Variants in ZC3H7A observed in about 807,000 individuals in gnomAD.
ZC3H7A encodes the protein zinc finger CCCH-type containing 7A.
Under a neutral mutation model 125.5 loss-of-function variants are expected in ZC3H7A, and 44 were observed. The ratio of observed to expected loss-of-function variants is 0.35; its 90% confidence interval spans 0.28 to 0.45. The LOEUF (loss-of-function observed/expected upper bound fraction) is 0.45. ZC3H7A is among the 20% of genes least tolerant of loss of function. The probability of loss-of-function intolerance (pLI) is 1.00; values close to 1 mark genes in which losing one functional copy is unlikely to be tolerated. For missense variants in ZC3H7A, 977 were observed against 1,170.7 expected, an observed-to-expected ratio of 0.83 and a Z score of 2.41; for synonymous variants, 399 against 391.2, an observed-to-expected ratio of 1.02 and a Z score of -0.23.
chr16:11,761,680 C>T (rs2052755347), intron 18 of ZC3H7A, 169 bp from the exon 19 acceptor site: 2 of 829,418 alleles, frequency 2.4e-6, no homozygotes, highest in South Asian at 1.9e-5. Context: ...CATTTACAAA[C>T]ACTCCCTACA....
At position 11,779,341 on chromosome 16, in the gene ZC3H7A, C is replaced by A. The variant is rs2053135529; in HGVS notation, c.131G>T (p.Arg44Ile). 1 of 1,613,594 alleles carries A rather than the reference C, an allele frequency of 6.2e-7. No individual in the cohort carries two copies. Among genetic ancestry groups the A allele is most frequent in the South Asian group, 1.1e-5 (1 of 90,858 alleles). The change falls in exon 4 of 23, where the codon AGA (arginine) becomes ATA (isoleucine). Residue 44 changes from arginine to isoleucine, a missense_variant. Around this residue, in one of 3 missense-constraint regions of ZC3H7A, gnomAD observed 199 missense variants for 256.1 expected, o/e 0.78. Coordinates refer to ENST00000355758, the MANE Select transcript of ZC3H7A (RefSeq NM_014153.4). ...QYAVYLRALVRNLFNEGNDVY... is the reference protein window; with the variant it reads ...QYAVYLRALVINLFNEGNDVY... ...GTCATTTCCTTCATTAAAAAGATTT[C>A]TCACGAGAGCACGCAAATATACCTA...
chr16:11,768,723 A>G (rs369982461), intron 11 of ZC3H7A, among the ~76,000 whole-genome samples: 2 of 152,188 alleles, frequency 1.3e-5, no homozygotes, highest in Admixed American at 6.5e-5. Flanking sequence ...CCTCCATATT[A>G]TAAGTAATAA....
intron 1 of ZC3H7A, among the ~76,000 whole-genome samples, chr16:11,790,111 A>G (rs1311505920): frequency 6.6e-6 from 1 of 151,254 alleles, no homozygotes; most frequent in Non-Finnish European, 1.5e-5. Context: ...AAGAATTTCT[A>G]AAGGATAAAG....
chr16:11,776,649 C>G, intron 5 of ZC3H7A, 102 bp downstream of exon 5: 1 of 1,502,428 alleles, frequency 6.7e-7, no homozygotes, highest in Non-Finnish European at 8.9e-7. Context: ...TTATACCCAA[C>G]TGAAGCAGGT....
At chr16:11,779,998 T>G (rs934057204) in intron 3 of ZC3H7A, among the ~76,000 whole-genome samples, 1 of 152,190 alleles carries the variant, frequency 6.6e-6, no homozygotes, top group Non-Finnish European at 1.5e-5. Flanking sequence ...ATTTACTGAT[T>G]TGGGGGGAGG....
chr16:11,791,565 G>C lies in ZC3H7A; in HGVS notation c.-35+5559C>G, dbSNP rs1216201701. 2.6e-5 allele frequency among the ~76,000 whole-genome samples: 4 copies of C among 152,130 alleles called. No homozygotes were observed. In the East Asian group the frequency reaches 7.7e-4, roughly 29 times the overall value. ...TCTGGGTCCAGCTCAACAAATACTT[G>C]AACAAAGAATGAAGTAAGCAGCCCA... On this transcript the variant is annotated intron_variant, in intron 1 of 22. Coordinates refer to ENST00000355758, the MANE Select transcript of ZC3H7A (RefSeq NM_014153.4).
intron 16 of ZC3H7A, 135 bp from the exon 17 acceptor site, chr16:11,762,882 TACC>T: frequency 4.2e-6 from 3 of 719,982 alleles, no homozygotes; most frequent in South Asian, 3.6e-5. Flanking sequence ...CAAGGATGAA[TACC>T]ACGTTTCTCT....
In ZC3H7A at chr16:11,770,801, T is replaced by C. The variant is rs144891791; in HGVS notation, c.1090A>G (p.Met364Val). ...DFCSSLNSFS[M>V]SESKRDLSTS... Reference sequence around the variant, plus strand: ...TTCTTACCTCGTTTGGATTCACTCATTGAAAATGAATTTAAAGAAGAACAA... The same window carrying C: ...TTCTTACCTCGTTTGGATTCACTCACTGAAAATGAATTTAAAGAAGAACAA... Residue 364 changes from methionine (M) to valine (V), a missense_variant, in exon 10 of 23, where the codon ATG (methionine) becomes GTG (valine). By Grantham distance (21) the Met-to-Val change is conservative. Around this residue, in one of 3 missense-constraint regions of ZC3H7A, gnomAD observed 342 missense variants for 311.3 expected, o/e 1.10. Coordinates refer to ENST00000355758, the MANE Select transcript of ZC3H7A (RefSeq NM_014153.4). 1.8e-3 allele frequency: 2,825 copies of C among 1,613,492 alleles called. 6 individuals carry two copies. The highest frequency in any genetic ancestry group is 2.1e-3 in the Non-Finnish European group (2,467 of 1,179,666).
intron 1 of ZC3H7A, among the ~76,000 whole-genome samples, chr16:11,791,095 ACAC>A (rs1366217776): frequency 7.1e-6 from 1 of 139,952 alleles, no homozygotes; most frequent in Admixed American, 7.2e-5. Flanking sequence ...TAAAACACAC[ACAC>A]ACACACACAC....
At chr16:11,762,100 G>T in intron 17 of ZC3H7A, 57 bp from the exon 18 acceptor site, 1 of 1,479,596 alleles carries the variant, frequency 6.8e-7, no homozygotes, top group South Asian at 1.3e-5. Context: ...GTTTTCTGAT[G>T]ACAAAATACT....
At chr16:11,755,072 G>C (rs1026336224) in intron 21 of ZC3H7A, among the ~76,000 whole-genome samples, 2 of 150,984 alleles carry the variant, frequency 1.3e-5, no homozygotes, top group African/African-American at 4.9e-5. Flanking sequence ...AGCCGGGCGT[G>C]GTGGCAGGCG....
intron 16 of ZC3H7A, 37 bp downstream of exon 16, chr16:11,763,441 T>C: frequency 6.4e-7 from 1 of 1,562,414 alleles, no homozygotes. Flanking sequence ...CTGTCTGCTC[T>C]TGAGGAGACA....
At chr16:11,778,003 G>C (rs1233145961) in intron 4 of ZC3H7A, among the ~76,000 whole-genome samples, 13 of 128,378 alleles carry the variant, frequency 1.0e-4, no homozygotes, top group African/African-American at 3.6e-4. Flanking sequence ...TGGGCAACAA[G>C]AGTGAAACTC....
At chr16:11,767,930 T>C (rs1004850644) in intron 12 of ZC3H7A, among the ~76,000 whole-genome samples, 1 of 152,236 alleles carries the variant, frequency 6.6e-6, no homozygotes, top group East Asian at 1.9e-4. Flanking sequence ...ACAGAAAGTA[T>C]TTAATTTTCA....
At chr16:11,761,744 A>G in intron 18 of ZC3H7A, 166 bp downstream of exon 18, 2 of 978,486 alleles carry the variant, frequency 2.0e-6, no homozygotes, top group Non-Finnish European at 2.9e-6. Flanking sequence ...GTGAATTCTT[A>G]TCTACTAGGT....
chr16:11,779,080 T>G, intron 4 of ZC3H7A, 86 bp downstream of exon 4: 1 of 1,178,808 alleles, frequency 8.5e-7, no homozygotes, highest in Non-Finnish European at 1.2e-6. Context: ...CTTAAAAACT[T>G]AAGAAATTGA....
In ZC3H7A at chr16:11,776,521, T is replaced by C. The variant is rs1051081843; in HGVS notation, c.477A>G (p.Val159=). ...GAGCTAGTTCTTGAGTTAGTTTTAT[T>C]ACATGCTCATCCTGAAAAAAATAAG... ...CSLAVPQDEH[V]IKLTQELAQK... is the part of the protein sequence containing the mutation. Residue 159 remains valine, a synonymous_variant, in exon 6 of 23, where the codon GTA becomes GTG. Transcript: ENST00000355758. 3.1e-6 allele frequency: 5 copies of C among 1,608,866 alleles called. No homozygotes were observed. The highest frequency in any genetic ancestry group is 1.7e-5 in the Admixed American group (1 of 58,806).
intron 13 of ZC3H7A, 81 bp downstream of exon 13, chr16:11,767,336 A>G: frequency 9.1e-7 from 1 of 1,101,450 alleles, no homozygotes; most frequent in Non-Finnish European, 1.2e-6. Flanking sequence ...ATTTCTCACA[A>G]TGTATCCTGT....
rs1335784015 is a variant in ZC3H7A at position 11,768,579 on chromosome 16, C to A, written c.1174-78G>T. 13 of 1,245,092 alleles carry A rather than the reference C, an allele frequency of 1.0e-5. No homozygotes were observed. The Admixed American group carries it at 1.3e-4, about 13-fold the overall frequency. The allele number at this position is 1,245,092 out of a possible 1,614,324, so 77.1% of individuals were successfully genotyped here. On this transcript the variant is annotated intron_variant, in intron 11 of 22. Transcript: ENST00000355758. Reference sequence around the variant, plus strand: ...TATCACTGAAGAAAGGAACTGAATTCATCTGAAAAATAAGATAATCTTCAT... The same window carrying A: ...TATCACTGAAGAAAGGAACTGAATTAATCTGAAAAATAAGATAATCTTCAT...
Sources: gnomAD v4.1 joint callset for allele counts (sites outside exome capture counted in the v4.1 genomes callset) on GRCh38, gnomAD v4.1.1 for gene constraint, gnomAD v4.1.1 regional missense constraint, MANE v1.5 for transcripts, NCBI Gene and HGNC (gene_info 2026-07-23, HGNC 2026-07-21) for gene names.